ZNF33A: variants seen among roughly 807,000 people sequenced by gnomAD.
The protein encoded by ZNF33A is zinc finger protein 33A, also known as brain my041 protein.
A neutral mutation model predicts 15.9 loss-of-function variants in ZNF33A; 9 were observed. The observed-to-expected ratio is 0.57, with a 90% CI of 0.34 to 0.99. The LOEUF (loss-of-function observed/expected upper bound fraction) is 0.99, where lower values mean the gene tolerates loss of function less well. Ranked by LOEUF, ZNF33A falls within the 50% of genes least tolerant of loss-of-function variation. ZNF33A has a pLI of 0.02. For synonymous variants in ZNF33A, 294 were observed against 324.2 expected (o/e 0.91, Z 1.00); for missense variants, 843 against 941.6 (o/e 0.90, Z 1.37).
At chr10:38,041,715 C>A (rs1214093193) in intron 4 of ZNF33A, among the ~76,000 whole-genome samples, 1 of 152,058 alleles carries the variant, frequency 6.6e-6, no homozygotes, top group Non-Finnish European at 1.5e-5. Flanking sequence ...GAAGCTCAAC[C>A]AGTAAGTATA....
intron 4 of ZNF33A, among the ~76,000 whole-genome samples, chr10:38,018,370 A>G (rs1279173715): frequency 6.6e-6 from 1 of 152,152 alleles, no homozygotes; most frequent in Admixed American, 6.6e-5. Flanking sequence ...TTGGGCAGGA[A>G]TGTGGTTGGT....
At chr10:38,033,026 G>C (rs978277327) in intron 4 of ZNF33A, among the ~76,000 whole-genome samples, 1 of 152,218 alleles carries the variant, frequency 6.6e-6, no homozygotes, top group African/African-American at 2.4e-5. Flanking sequence ...GGGATTATAG[G>C]CGTGAGGCAC....
At chr10:38,011,240 G>A (rs2064170338) in intron 1 of ZNF33A, among the ~76,000 whole-genome samples, 1 of 152,222 alleles carries the variant, frequency 6.6e-6, no homozygotes, top group South Asian at 2.1e-4. Flanking sequence ...CTTGGTATTT[G>A]CTGTTCCTCT....
intron 4 of ZNF33A, among the ~76,000 whole-genome samples, chr10:38,032,166 G>A (rs938185248): frequency 1.3e-5 from 2 of 151,982 alleles, no homozygotes; most frequent in Non-Finnish European, 2.9e-5. Flanking sequence ...TTGTCATTTT[G>A]TGTGCAGACA....
At chr10:38,022,159 A>T (rs1221540339) in intron 4 of ZNF33A, among the ~76,000 whole-genome samples, 1 of 152,212 alleles carries the variant, frequency 6.6e-6, no homozygotes, top group Non-Finnish European at 1.5e-5. Context: ...TAAAATTGAA[A>T]ATAGGAAAAA....
At chr10:38,015,145 G>A (rs2064388989) in intron 2 of ZNF33A, among the ~76,000 whole-genome samples, 1 of 152,054 alleles carries the variant, frequency 6.6e-6, no homozygotes, top group South Asian at 2.1e-4. Flanking sequence ...AAAGTACTAG[G>A]ATTATAGATG....
intron 4 of ZNF33A, among the ~76,000 whole-genome samples, chr10:38,050,565 A>G (rs2066156254): frequency 6.6e-6 from 1 of 152,204 alleles, no homozygotes; most frequent in Non-Finnish European, 1.5e-5. Flanking sequence ...GATACTTGAG[A>G]GGCACTGCCC....
chr10:38,056,284 T>G lies in ZNF33A; in HGVS notation c.2160T>G (p.Ser720=), dbSNP rs1216452616. ...ACAGGGCTCACACAGGAGAGAAATC[T>G]TGTCAATGTAATGAATGTGGAAAAA... The part of the protein sequence containing the change: ...VHHRAHTGEK[S]CQCNECGKIF... Residue 720 remains serine (S), a synonymous_variant, in exon 5 of 5, where the codon TCT becomes TCG. Transcript: ENST00000432900. 2 of 1,613,882 alleles carry G rather than the reference T, an allele frequency of 1.2e-6. No individual in the cohort carries two copies. The highest frequency in any genetic ancestry group is 3.3e-5 in the Admixed American group (2 of 59,994).
chr10:38,018,772 A>G (rs768951698), intron 4 of ZNF33A, among the ~76,000 whole-genome samples: 2 of 152,146 alleles, frequency 1.3e-5, no homozygotes, highest in Non-Finnish European at 2.9e-5. Context: ...TTGTAACATC[A>G]GAAGGAGGGG....
chr10:38,064,871 G>A (rs1000028254), downstream of ZNF33A: 3 of 151,772 alleles, frequency 2.0e-5, no homozygotes, highest in Non-Finnish European at 4.4e-5. Flanking sequence ...ATTTAAAGAG[G>A]AGCTCACTAA....
intron 4 of ZNF33A, among the ~76,000 whole-genome samples, chr10:38,031,189 A>G (rs1311776153): frequency 1.3e-5 from 2 of 152,250 alleles, no homozygotes; most frequent in Non-Finnish European, 2.9e-5. Context: ...ATTGAACTAT[A>G]GTTCTGCAAA....
At chr10:38,030,435 G>A (rs1281777975) in intron 4 of ZNF33A, among the ~76,000 whole-genome samples, 2 of 152,118 alleles carry the variant, frequency 1.3e-5, no homozygotes, top group African/African-American at 4.8e-5. Context: ...TAACATTATG[G>A]ATGAATCTCA....
chr10:38,024,925 A>G (rs2064916666), intron 4 of ZNF33A, among the ~76,000 whole-genome samples: 2 of 152,332 alleles, frequency 1.3e-5, no homozygotes, highest in South Asian at 4.1e-4. Context: ...TGTCTTGATT[A>G]TTTATTGTCA....
chr10:38,058,050 G>T lies in ZNF33A; in HGVS notation c.*1490G>T. ...CATACAAATAATCTAAGATTATACA[G>T]TCTAGTGATCCTAGATTACACAAGT... On this transcript the variant is annotated 3_prime_UTR_variant, in exon 5 of 5. Coordinates refer to ENST00000432900, the MANE Select transcript of ZNF33A (RefSeq NM_006954.2). 17 of 984,508 alleles carry T rather than the reference G, an allele frequency of 1.7e-5. No homozygotes were observed. Among genetic ancestry groups the T allele is most frequent in the Non-Finnish European group, 2.1e-5 (17 of 829,190 alleles). 61.0% of individuals were successfully genotyped at this position (984,508 alleles called of 1,614,324 possible). A position where few individuals can be genotyped will look rare whatever the true frequency, so the allele number is the denominator to read the frequency against.
intron 4 of ZNF33A, among the ~76,000 whole-genome samples, chr10:38,026,758 T>G (rs1342611156): frequency 6.6e-6 from 1 of 152,246 alleles, no homozygotes; most frequent in Non-Finnish European, 1.5e-5. Flanking sequence ...TTTTCTCACT[T>G]TATTTTCTTG....
At chr10:38,042,187 G>A (rs927465685) in intron 4 of ZNF33A, among the ~76,000 whole-genome samples, 1 of 149,942 alleles carries the variant, frequency 6.7e-6, no homozygotes, top group Non-Finnish European at 1.5e-5. Context: ...TTGTTCCTCT[G>A]TCTTTTTTTT....
intron 4 of ZNF33A, among the ~76,000 whole-genome samples, chr10:38,027,902 T>TA (rs1455622996): frequency 1.6e-4 from 25 of 152,278 alleles, no homozygotes; most frequent in Admixed American, 8.5e-4. Context: ...GAATATCTTT[T>TA]ATCAGCCTTT....
chr10:38,025,768 C>T (rs960982621), intron 4 of ZNF33A, among the ~76,000 whole-genome samples: 5 of 152,194 alleles, frequency 3.3e-5, no homozygotes, highest in African/African-American at 9.7e-5. Context: ...AGCATTTTAA[C>T]GTATCTTGTT....
At chr10:38,022,993 T>A (rs1233262973) in intron 4 of ZNF33A, among the ~76,000 whole-genome samples, 1 of 152,214 alleles carries the variant, frequency 6.6e-6, no homozygotes, top group East Asian at 1.9e-4. Flanking sequence ...TCACCCAGGC[T>A]GGAGTGCAGT....
Sources: gnomAD v4.1 joint callset for allele counts (sites outside exome capture counted in the v4.1 genomes callset) on GRCh38, gnomAD v4.1.1 for gene constraint, MANE v1.5 for transcripts, NCBI Gene and HGNC (gene_info 2026-07-23, HGNC 2026-07-21) for gene names.